The following SLC2A9 variants were observed in gnomAD, a reference collection of about 807,000 sequenced individuals.
SLC2A9 encodes the protein solute carrier family 2 member 9.
SLC2A9 carries 39 observed loss-of-function variants against 50.6 expected under a neutral mutation model. The ratio of observed to expected loss-of-function variants is 0.77; its 90% CI spans 0.60 to 1.01. The LOEUF is 1.01. Among genes scored for constraint, SLC2A9 ranks in the 50% least tolerant of loss-of-function variants. The pLI, the probability that SLC2A9 is intolerant of heterozygous loss-of-function variation, is 0.00. For synonymous variants in SLC2A9, 324 were observed against 276.9 expected (o/e 1.17, Z -1.69); for missense variants, 686 against 677.6 (o/e 1.01, Z -0.14).
chr4:9,998,539 T>C (rs1759160926), intron 2 of SLC2A9, among the ~76,000 whole-genome samples: 1 of 152,308 alleles, frequency 6.6e-6, no homozygotes, highest in South Asian at 2.1e-4. Context: ...CAGTGTGTTG[T>C]CTGCTGGTAG....
At chr4:9,984,826 C>T (rs967785561) in intron 4 of SLC2A9, among the ~76,000 whole-genome samples, 16 of 152,156 alleles carry the variant, frequency 1.1e-4, no homozygotes, top group Non-Finnish European at 1.2e-4. Flanking sequence ...TGGAACAAAC[C>T]AGTCCATGTC....
At chr4:10,022,690 G>A (rs562512055), upstream of SLC2A9, among the ~76,000 whole-genome samples, 1 of 152,322 alleles carries the variant, frequency 6.6e-6, no homozygotes, top group Admixed American at 6.5e-5. Context: ...CGAAAAGTTA[G>A]CAAAGTACGT....
At chr4:10,008,898 TG>T (rs58767177) in intron 2 of SLC2A9, among the ~76,000 whole-genome samples, 4 of 139,718 alleles carry the variant, frequency 2.9e-5, no homozygotes, top group Non-Finnish European at 3.2e-5. Flanking sequence ...TTCTGTGCGG[TG>T]GTTTTTTTTT....
chr4:9,852,730 A>G (rs1004331077), intron 10 of SLC2A9, among the ~76,000 whole-genome samples: 6 of 152,244 alleles, frequency 3.9e-5, no homozygotes, highest in Non-Finnish European at 8.8e-5. Flanking sequence ...GAAAGGAAAG[A>G]CCATTACTGG....
At chr4:9,815,807 G>T (rs1357363997) in intron 3 of SLC2A9, among the ~76,000 whole-genome samples, 2 of 152,128 alleles carry the variant, frequency 1.3e-5, no homozygotes, top group Non-Finnish European at 2.9e-5. Flanking sequence ...TCTAAGCAAG[G>T]TAATGGCTAG....
rs116840509 is a variant in SLC2A9 at position 9,787,797 on chromosome 4, G to A, written n.386-7732C>T. Among the ~76,000 whole-genome samples the A allele has an allele frequency of 2.9e-3, 449 of 152,284 alleles. 4 individuals carry two copies. Among genetic ancestry groups the A allele is most frequent in the African/African-American group, 0.011 (437 of 41,552 alleles). ...TCCATGATTGGATTCTGTCATGTAT[G>A]TTGGGCAGGAATATCACAGATGCCA... On this transcript the variant is annotated intron_variant and non_coding_transcript_variant, in intron 3 of 3. Coordinates refer to the SLC2A9 transcript ENST00000503803.
chr4:9,993,794 C>G (rs1758121554), intron 3 of SLC2A9, among the ~76,000 whole-genome samples: 1 of 152,176 alleles, frequency 6.6e-6, no homozygotes, highest in South Asian at 2.1e-4. Flanking sequence ...GGTGAGGAAC[C>G]TGCATCTGTG....
chr4:9,834,267 G>A (rs1246046205), intron 11 of SLC2A9, among the ~76,000 whole-genome samples: 2 of 152,174 alleles, frequency 1.3e-5, no homozygotes, highest in Non-Finnish European at 2.9e-5. Context: ...CCAGAACCAG[G>A]AAACACAGGC....
intron 3 of SLC2A9, among the ~76,000 whole-genome samples, chr4:9,815,935 C>T (rs931512891): frequency 2.0e-5 from 3 of 151,856 alleles, no homozygotes; most frequent in East Asian, 3.9e-4. Context: ...TTTGGGAGGC[C>T]GAGGCAGGTG....
intron 3 of SLC2A9, among the ~76,000 whole-genome samples, chr4:9,793,708 A>C (rs1720250259): frequency 6.6e-6 from 1 of 152,220 alleles, no homozygotes; most frequent in African/African-American, 2.4e-5. Flanking sequence ...ATTTCATGAA[A>C]GAGATTTTTC....
In SLC2A9 at chr4:9,925,653, C is replaced by A. The variant is rs376564894; in HGVS notation, c.815-5081G>T. 2.6e-3 allele frequency among the ~76,000 whole-genome samples: 398 copies of A among 152,252 alleles called. 2 individuals carry two copies. The highest frequency in any genetic ancestry group is 4.1e-3 in the Non-Finnish European group (279 of 68,012). On this transcript the variant is annotated intron_variant, in intron 6 of 11. Coordinates refer to ENST00000264784, the MANE Select transcript of SLC2A9 (RefSeq NM_020041.3). ...TGGCACATAATTTGTGTTCAATAAA[C>A]AATTATTGTTATTTTATTTCCTCTC...
At chr4:9,894,092 TGATCCTAAGGAAATA>T (rs1036624844) in intron 8 of SLC2A9, among the ~76,000 whole-genome samples, 6 of 152,338 alleles carry the variant, frequency 3.9e-5, no homozygotes, top group African/African-American at 1.4e-4. Flanking sequence ...TTCTGGGCAT[TGATCCTAAGGAAATA>T]GATGTTTGGT....
intron 10 of SLC2A9, among the ~76,000 whole-genome samples, chr4:9,869,562 G>A (rs1366335116): frequency 6.6e-6 from 1 of 152,132 alleles, no homozygotes; most frequent in Non-Finnish European, 1.5e-5. Context: ...ACCATTTCCT[G>A]CTCTGGGACT....
chr4:9,780,497 G>T (rs1187093528), intron 3 of SLC2A9, among the ~76,000 whole-genome samples: 1 of 152,178 alleles, frequency 6.6e-6, no homozygotes, highest in Non-Finnish European at 1.5e-5. Context: ...GAGAAGGTGG[G>T]CCACTTGCAG....
intron 3 of SLC2A9, among the ~76,000 whole-genome samples, chr4:9,788,247 G>GCC (rs1204741349): frequency 3.9e-5 from 6 of 152,126 alleles, no homozygotes; most frequent in African/African-American, 1.4e-4. Context: ...CTGGGGAGCA[G>GCC]TGGCATGATC....
At chr4:9,895,010 T>C (rs146887192) in intron 8 of SLC2A9, among the ~76,000 whole-genome samples, 1 of 152,326 alleles carries the variant, frequency 6.6e-6, no homozygotes, top group African/African-American at 2.4e-5. Context: ...TGTTTACTGA[T>C]TTCAGTATTT....
chr4:9,794,198 G>A (rs1167718448), downstream of SLC2A9, among the ~76,000 whole-genome samples: 2 of 151,602 alleles, frequency 1.3e-5, no homozygotes, highest in Non-Finnish European at 2.9e-5. Flanking sequence ...TCCCAGGCTG[G>A]AGTGCAATGG....
At chr4:9,822,856 C>T (rs1049965403), downstream of SLC2A9, among the ~76,000 whole-genome samples, 2 of 152,090 alleles carry the variant, frequency 1.3e-5, no homozygotes, top group African/African-American at 4.8e-5. Flanking sequence ...TTTCCTGTCA[C>T]TCTGGGAAGG....
At chr4:9,863,997 T>G (rs1732052276) in intron 10 of SLC2A9, among the ~76,000 whole-genome samples, 1 of 151,974 alleles carries the variant, frequency 6.6e-6, no homozygotes, top group Non-Finnish European at 1.5e-5. Flanking sequence ...TGCATACACT[T>G]TTTCCCCAGA....
Sources: gnomAD v4.1 joint callset for allele counts (sites outside exome capture counted in the v4.1 genomes callset) on GRCh38, gnomAD v4.1.1 for gene constraint, MANE v1.5 for transcripts, NCBI Gene and HGNC (gene_info 2026-07-23, HGNC 2026-07-21) for gene names.